LARGE1: variants seen among roughly 807,000 people sequenced by gnomAD.
The protein encoded by LARGE1 is xylosyl- and glucuronyltransferase LARGE1.
LARGE1 carries 43 observed loss-of-function variants against 87.6 expected under a neutral mutation model. That is an observed-to-expected ratio of 0.49 (90% CI 0.38 to 0.63). LARGE1 has a LOEUF of 0.63. Ranked by LOEUF, LARGE1 falls within the 30% of genes least tolerant of loss-of-function variation. LARGE1 has a pLI of 0.00. For synonymous variants in LARGE1, 434 were observed against 394.6 expected (o/e 1.10, Z -1.18); for missense variants, 802 against 1,000.2 (o/e 0.80, Z 2.67).
At position 33,373,972 on chromosome 22, in the gene LARGE1, CAAAAAAAAAAAAA is replaced by C. The variant is rs35830988; in HGVS notation, c.1131+7934_1131+7946del. On this transcript the variant is annotated intron_variant, in intron 9 of 14. Coordinates refer to ENST00000397394, the MANE Select transcript of LARGE1 (RefSeq NM_133642.5). ...CTGGGGATAGAGTGAGACTCCGTCT[CAAAAAAAAAAAAA>C]AAAAAAAAAAGTTTATCTTGAAGGC... Among the ~76,000 whole-genome samples, 3 of 59,536 alleles carry C rather than the reference CAAAAAAAAAAAAA, an allele frequency of 5.0e-5. No homozygotes were observed. The Admixed American group carries it at 6.3e-4, about 13-fold the overall frequency. The allele number at this position is 59,536 out of a possible 152,430, so 39.1% of individuals were successfully genotyped here.
chr22:33,891,453 A>G (rs1282144083), intron 1 of LARGE1, among the ~76,000 whole-genome samples: 1 of 150,842 alleles, frequency 6.6e-6, no homozygotes, highest in African/African-American at 2.5e-5. Flanking sequence ...AAAAAAAAAA[A>G]CTGTATTGAG....
In LARGE1 at chr22:33,528,532, G is replaced by A. The variant is rs1468653327; in HGVS notation, c.787+36316C>T. 2.0e-5 allele frequency among the ~76,000 whole-genome samples: 3 copies of A among 152,166 alleles called. No individual in the cohort carries two copies. In the South Asian group the frequency reaches 6.2e-4, roughly 32 times the overall value. ...AGGGTGGAGGTTTTGATCCTCTGAT[G>A]TCAAAAGGTGAAGCAAAGGACACAA... On this transcript the variant is annotated intron_variant, in intron 6 of 14. Coordinates refer to ENST00000397394, the MANE Select transcript of LARGE1 (RefSeq NM_133642.5).
At chr22:33,387,514 G>A (rs534117750) in intron 7 of LARGE1, among the ~76,000 whole-genome samples, 1 of 117,140 alleles carries the variant, frequency 8.5e-6, no homozygotes, top group Non-Finnish European at 1.6e-5. Flanking sequence ...ATGCTCCAAT[G>A]TATTAAAAAA....
intron 1 of LARGE1, among the ~76,000 whole-genome samples, chr22:33,811,464 T>A (rs975672675): frequency 6.6e-6 from 1 of 152,206 alleles, no homozygotes; most frequent in African/African-American, 2.4e-5. Flanking sequence ...ATCATTTGCA[T>A]GAGCTTCAGT....
intron 7 of LARGE1, among the ~76,000 whole-genome samples, chr22:33,397,967 T>C (rs2147280556): frequency 6.6e-6 from 1 of 152,336 alleles, no homozygotes; most frequent in Middle Eastern, 3.4e-3. Context: ...CCTGTTCTTT[T>C]GCTCATTTTT....
At chr22:33,332,253 T>A (rs1247331087) in intron 10 of LARGE1, among the ~76,000 whole-genome samples, 1 of 152,130 alleles carries the variant, frequency 6.6e-6, no homozygotes, top group Non-Finnish European at 1.5e-5. Flanking sequence ...TATACTGGTC[T>A]CATGATAGTG....
At chr22:33,671,335 T>C (rs1322196604) in intron 2 of LARGE1, among the ~76,000 whole-genome samples, 1 of 152,144 alleles carries the variant, frequency 6.6e-6, no homozygotes, top group Non-Finnish European at 1.5e-5. Flanking sequence ...AAAGCCATCA[T>C]GAGATGTCTA....
In LARGE1 at chr22:33,386,355, C is replaced by T. The variant is rs527574662; in HGVS notation, c.893-2051G>A. ...TTCCACTCAACCACATAGACTAGAG[C>T]CCCAGCAATGTCACTTTGGAGCCAT... On this transcript the variant is annotated intron_variant, in intron 7 of 14. Transcript: ENST00000397394. Among the ~76,000 whole-genome samples the T allele has an allele frequency of 3.4e-5, 5 of 149,076 alleles. No individual in the cohort carries two copies. The East Asian group carries it at 9.6e-4, about 29-fold the overall frequency.
chr22:33,600,983 T>TC (rs1024228373), intron 5 of LARGE1, among the ~76,000 whole-genome samples: 93 of 152,138 alleles, frequency 6.1e-4, no homozygotes, highest in African/African-American at 2.2e-3. Context: ...GGCAGAAGAA[T>TC]CACTTGAACC....
chr22:33,137,781 G>C, the LARGE1 span, among the ~76,000 whole-genome samples: 1 of 152,226 alleles, frequency 6.6e-6, no homozygotes, highest in African/African-American at 2.4e-5. Flanking sequence ...GCTTCCAAGT[G>C]GTGTTGAGCC....
chr22:33,863,631 G>A (rs926062264), intron 1 of LARGE1, among the ~76,000 whole-genome samples: 1 of 151,866 alleles, frequency 6.6e-6, no homozygotes, highest in African/African-American at 2.4e-5. Flanking sequence ...AGCTGGATGT[G>A]GTGACGCATG....
chr22:33,690,105 G>C (rs1163393280), intron 2 of LARGE1, among the ~76,000 whole-genome samples: 2 of 152,196 alleles, frequency 1.3e-5, no homozygotes, highest in African/African-American at 4.8e-5. Context: ...TGAAGGGTAA[G>C]AGAGGGTACT....
chr22:33,898,476 G>A (rs758497459), intron 1 of LARGE1, among the ~76,000 whole-genome samples: 1 of 152,298 alleles, frequency 6.6e-6, no homozygotes, highest in East Asian at 1.9e-4. Context: ...AAGACTGGCC[G>A]AGCACAGTGG....
the LARGE1 span, among the ~76,000 whole-genome samples, chr22:33,136,168 A>G: frequency 6.6e-6 from 1 of 152,206 alleles, no homozygotes; most frequent in Non-Finnish European, 1.5e-5. Context: ...CATATTCTTA[A>G]AAATGATGCT....
chr22:33,373,214 A>G (rs979876440), intron 9 of LARGE1, among the ~76,000 whole-genome samples: 1 of 152,232 alleles, frequency 6.6e-6, no homozygotes, highest in African/African-American at 2.4e-5. Flanking sequence ...GCTATTAAAA[A>G]TACACTAAAA....
intron 2 of LARGE1, among the ~76,000 whole-genome samples, chr22:33,698,707 C>G (rs558204821): frequency 2.9e-4 from 44 of 152,336 alleles, no homozygotes; most frequent in African/African-American, 9.4e-4. Context: ...GTCCACTCAT[C>G]CAGCCCAGCT....
intron 2 of LARGE1, among the ~76,000 whole-genome samples, chr22:33,718,623 T>C (rs5999069): frequency 0.028 from 4,265 of 152,336 alleles, 203 homozygotes; most frequent in African/African-American, 0.096. Context: ...AGTTATTTTA[T>C]GGTGAGGTGC....
intron 6 of LARGE1, among the ~76,000 whole-genome samples, chr22:33,465,844 A>G (rs955862459): frequency 6.6e-6 from 1 of 151,984 alleles, no homozygotes; most frequent in African/African-American, 2.4e-5. Context: ...CCTCTCTCTC[A>G]CCAATGGCAT....
intron 1 of LARGE1, among the ~76,000 whole-genome samples, chr22:33,796,556 AAATC>A (rs1276429117): frequency 6.6e-6 from 1 of 152,214 alleles, no homozygotes; most frequent in Non-Finnish European, 1.5e-5. Flanking sequence ...AATCTTTAAA[AAATC>A]AATCAAAGAA....
Sources: gnomAD v4.1 joint callset for allele counts (sites outside exome capture counted in the v4.1 genomes callset) on GRCh38, gnomAD v4.1.1 for gene constraint, MANE v1.5 for transcripts, NCBI Gene and HGNC (gene_info 2026-07-23, HGNC 2026-07-21) for gene names.